Variants in UVRAG observed in about 807,000 individuals in gnomAD.
The protein encoded by UVRAG is UV radiation resistance-associated gene protein.
In UVRAG, 19 loss-of-function variants were observed where a neutral mutation model predicts 78.0. The observed-to-expected ratio is 0.24, with a 90% CI of 0.17 to 0.36. The LOEUF is 0.36. Ranked by LOEUF, UVRAG falls within the 10% of genes least tolerant of loss-of-function variation. The pLI, the probability that UVRAG is intolerant of heterozygous loss-of-function variation, is 1.00. For synonymous variants in UVRAG, 323 were observed against 324.6 expected (o/e 1.00, Z 0.05); for missense variants, 740 against 853.8 (o/e 0.87, Z 1.66).
chr11:75,836,731 C>G (rs532373372), intron 1 of UVRAG, among the ~76,000 whole-genome samples: 4 of 152,242 alleles, frequency 2.6e-5, no homozygotes, highest in Admixed American at 6.5e-5. Context: ...CTATATAATT[C>G]CTTAAGAAGG....
intron 14 of UVRAG, chr11:76,137,859 A>G (rs1952628214): frequency 4.6e-6 from 1 of 216,370 alleles, no homozygotes; most frequent in African/African-American, 2.3e-5. Flanking sequence ...GTGAGCTGTG[A>G]TCACACCAGT....
chr11:75,884,208 A>C (rs956877767), intron 4 of UVRAG, among the ~76,000 whole-genome samples: 2 of 127,692 alleles, frequency 1.6e-5, no homozygotes, highest in African/African-American at 7.4e-5. Flanking sequence ...TCTATTTGAG[A>C]TCAGTCTCTC....
At chr11:75,853,622 G>A (rs1946211468) in intron 2 of UVRAG, among the ~76,000 whole-genome samples, 1 of 151,880 alleles carries the variant, frequency 6.6e-6, no homozygotes, top group African/African-American at 2.4e-5. Flanking sequence ...CAAAGTGCTG[G>A]GATTACAGGT....
In UVRAG at chr11:75,956,388, C is replaced by CTTTTTTTTTTTTTTTTTTTTTTTTTTTT. The variant is rs1319171839; in HGVS notation, c.594-5040_594-5039insTTTTTTTTTTTTTTTTTTTTTTTTTTTT. Among the ~76,000 whole-genome samples, 2 of 128,780 alleles carry CTTTTTTTTTTTTTTTTTTTTTTTTTTTT rather than the reference C, an allele frequency of 1.6e-5. 1 individual carries two copies. Among genetic ancestry groups the CTTTTTTTTTTTTTTTTTTTTTTTTTTTT allele is most frequent in the African/African-American group, 5.7e-5 (2 of 35,060 alleles). The allele number at this position is 128,780 out of a possible 152,430, so 84.5% of individuals were successfully genotyped here. On this transcript the variant is annotated intron_variant, in intron 6 of 14. Transcript: ENST00000356136. Reference sequence around the variant, plus strand: ...GTGCAAAAGTAATTGCAATTCTTGCCTTTTTTTTTTTTTTTTGAGATGGAA... The same window carrying CTTTTTTTTTTTTTTTTTTTTTTTTTTTT: ...GTGCAAAAGTAATTGCAATTCTTGCCTTTTTTTTTTTTTTTTTTTTTTTTTTTTTTTTTTTTTTTTTTTTGAGATGGAA...
At chr11:75,836,199 A>T (rs538353967) in intron 1 of UVRAG, among the ~76,000 whole-genome samples, 1 of 152,156 alleles carries the variant, frequency 6.6e-6, no homozygotes, top group South Asian at 2.1e-4. Flanking sequence ...ACTCTGCATC[A>T]CTTGTAGTGA....
At chr11:75,815,591 T>C in intron 1 of UVRAG, 67 bp downstream of exon 1, 1 of 1,055,296 alleles carries the variant, frequency 9.5e-7, no homozygotes, top group African/African-American at 1.6e-5. Flanking sequence ...GCTTGCTGGC[T>C]CCGGGCTGAC....
In UVRAG at chr11:76,142,754, T is replaced by C. The variant is rs918367057; in HGVS notation, c.*1341T>C. 32 of 152,376 alleles carry C rather than the reference T, an allele frequency of 2.1e-4. No individual in the cohort carries two copies. The highest frequency in any genetic ancestry group is 6.3e-4 in the African/African-American group (26 of 41,594). 9.4% of individuals were successfully genotyped at this position (152,376 alleles called of 1,614,324 possible). On this transcript the variant is annotated 3_prime_UTR_variant, in exon 15 of 15. Coordinates refer to ENST00000356136, the MANE Select transcript of UVRAG (RefSeq NM_003369.4). ...AGCCTGAACAAAAGCCATGTCTATC[T>C]AAGCGGAGGCTGTTGACTTCATTCA...
chr11:75,842,528 C>T (rs749983483), intron 1 of UVRAG, among the ~76,000 whole-genome samples: 1 of 151,544 alleles, frequency 6.6e-6, no homozygotes, highest in Non-Finnish European at 1.5e-5. Context: ...TGCAACCTCC[C>T]CCTCCTGGGT....
At chr11:75,842,274 A>G (rs531163327) in intron 1 of UVRAG, among the ~76,000 whole-genome samples, 1 of 152,284 alleles carries the variant, frequency 6.6e-6, no homozygotes, top group African/African-American at 2.4e-5. Flanking sequence ...AGAGCATGTC[A>G]GATGGGATGT....
intron 4 of UVRAG, among the ~76,000 whole-genome samples, chr11:75,884,316 A>G (rs1947030740): frequency 6.6e-6 from 1 of 151,568 alleles, no homozygotes; most frequent in South Asian, 2.1e-4. Flanking sequence ...ATTGAGTTGT[A>G]AAGTTCTTTA....
intron 7 of UVRAG, among the ~76,000 whole-genome samples, chr11:75,976,096 A>G (rs1949232230): frequency 6.6e-6 from 1 of 152,192 alleles, no homozygotes; most frequent in Non-Finnish European, 1.5e-5. Flanking sequence ...AATTTTGTCA[A>G]AGGCTTTTTC....
intron 10 of UVRAG, 86 bp downstream of exon 10, chr11:76,007,707 CT>C: frequency 9.8e-7 from 1 of 1,019,152 alleles, no homozygotes; most frequent in Non-Finnish European, 1.5e-6. Flanking sequence ...AAACTCATTG[CT>C]TTAGGCTTAA....
chr11:76,066,694 A>G (rs954709464), intron 13 of UVRAG, among the ~76,000 whole-genome samples: 2 of 152,074 alleles, frequency 1.3e-5, no homozygotes, highest in African/African-American at 4.8e-5. Context: ...GATGGTCTCG[A>G]TCTGCTGACC....
chr11:76,069,019 T>C (rs1170772295), intron 13 of UVRAG, among the ~76,000 whole-genome samples: 3 of 152,226 alleles, frequency 2.0e-5, no homozygotes, highest in African/African-American at 7.2e-5. Context: ...AGGAGTGAAG[T>C]CATTTAATAC....
At chr11:75,981,157 A>G (rs61422358) in intron 7 of UVRAG, among the ~76,000 whole-genome samples, 16,344 of 150,874 alleles carry the variant, frequency 0.11, 2,127 homozygotes, top group African/African-American at 0.31. Context: ...TGTCGCCCAG[A>G]CTGGAGTGTA....
At chr11:76,122,124 A>G (rs749566253) in intron 14 of UVRAG, among the ~76,000 whole-genome samples, 6 of 152,344 alleles carry the variant, frequency 3.9e-5, no homozygotes, top group African/African-American at 4.8e-5. Flanking sequence ...GGAACAAAAC[A>G]ACATGTACTG....
chr11:76,048,998 G>T lies in UVRAG; in HGVS notation c.1227-16712G>T, dbSNP rs540373078. ...GACTCAGCGGGATTGGGGCGCAAGC[G>T]CACAGTATCATATCTTATATAATCA... On this transcript the variant is annotated intron_variant, in intron 12 of 14. Transcript: ENST00000356136. Among the ~76,000 whole-genome samples, 8 of 152,364 alleles carry T rather than the reference G, an allele frequency of 5.3e-5. No individual in the cohort carries two copies. In the East Asian group the frequency reaches 1.2e-3, roughly 22 times the overall value.
At chr11:75,929,256 G>C (rs878949033) in intron 6 of UVRAG, among the ~76,000 whole-genome samples, 1 of 152,160 alleles carries the variant, frequency 6.6e-6, no homozygotes. Flanking sequence ...TCAAGAAAAA[G>C]AATGCTTGTT....
intron 8 of UVRAG, among the ~76,000 whole-genome samples, chr11:75,992,949 C>A (rs1216495455): frequency 6.6e-6 from 1 of 152,108 alleles, no homozygotes; most frequent in African/African-American, 2.4e-5. Flanking sequence ...ATTACTAGTG[C>A]GTTCTTACAT....
Sources: allele counts gnomAD v4.1 joint callset (sites outside exome capture counted in the v4.1 genomes callset), GRCh38; gene constraint gnomAD v4.1.1; transcripts MANE v1.5; gene names NCBI Gene and HGNC (gene_info 2026-07-23, HGNC 2026-07-21).